EHMT2: variants seen among roughly 807,000 people sequenced by gnomAD.
EHMT2 encodes the protein euchromatic histone lysine methyltransferase 2.
A neutral mutation model predicts 143.3 loss-of-function variants in EHMT2; 59 were observed. The ratio of observed to expected loss-of-function variants is 0.41; its 90% CI spans 0.33 to 0.51. The LOEUF is 0.51. Ranked by LOEUF, EHMT2 falls within the 20% of genes least tolerant of loss-of-function variation. The probability of loss-of-function intolerance (pLI) is 0.18; values close to 1 mark genes in which losing one functional copy is unlikely to be tolerated. For missense variants in EHMT2, 1,174 were observed against 1,645.9 expected, an observed-to-expected ratio of 0.71 and a Z score of 4.96; for synonymous variants, 604 against 651.5, an observed-to-expected ratio of 0.93 and a Z score of 1.11.
chr6:31,887,972 A>C lies in EHMT2; in HGVS notation c.1746-11T>G, dbSNP rs17207734. ...CCTCGCATCCGGGCACTGTGGAAGAAGGAGCTCATGTCCAGGAGCAATAGG... is the reference window on the plus strand; with the variant it reads ...CCTCGCATCCGGGCACTGTGGAAGACGGAGCTCATGTCCAGGAGCAATAGG... On this transcript the variant is annotated splice_polypyrimidine_tract_variant and intron_variant, in intron 13 of 27. Coordinates refer to ENST00000375537, the Ensembl canonical transcript of EHMT2. The C allele has an allele frequency of 9.6e-3, 15,212 of 1,583,338 alleles. 244 individuals are homozygous for C. The highest frequency in any genetic ancestry group is 0.042 in the South Asian group (3,668 of 87,678).
chr6:31,896,732 C>A, exon 3 of EHMT2: 2 of 1,612,934 alleles, frequency 1.2e-6, no homozygotes, highest in South Asian at 2.2e-5. Context: ...GTGACAGAGG[C>A]TGGAGATGAG....
intron 4 of EHMT2, chr6:31,893,699 C>A (rs2151652460): frequency 7.2e-6 from 2 of 276,782 alleles, no homozygotes; most frequent in Non-Finnish European, 7.2e-6. Flanking sequence ...TGACATGGTA[C>A]AACATAGATG....
chr6:31,896,107 T>C, intron 4 of EHMT2, 156 bp downstream of exon 4: 2 of 1,042,074 alleles, frequency 1.9e-6, no homozygotes, highest in Non-Finnish European at 1.4e-6. Context: ...AACCTGTCTG[T>C]TGGTTCACAG....
chr6:31,895,523 T>C (rs1010285372), intron 4 of EHMT2: 2 of 152,094 alleles, frequency 1.3e-5, no homozygotes, highest in African/African-American at 2.4e-5. Context: ...GGGCTGGTTG[T>C]GGTGGCTTGC....
chr6:31,892,154 A>G (rs1178908993), intron 7 of EHMT2, among the ~76,000 whole-genome samples: 1 of 152,136 alleles, frequency 6.6e-6, no homozygotes, highest in Non-Finnish European at 1.5e-5. Flanking sequence ...AGGCAGGAGA[A>G]TTGCTTTAAC....
chr6:31,896,239 TC>T, intron 4 of EHMT2, 23 bp downstream of exon 4: 1 of 1,592,702 alleles, frequency 6.3e-7, no homozygotes, highest in South Asian at 1.1e-5. Context: ...TGGTTGATTA[TC>T]CCATCTCTCC....
Position 31,883,802 on chromosome 6 carries a change from T to G in EHMT2, c.2916+4A>C. The G allele has an allele frequency of 6.2e-7, 1 of 1,613,496 alleles. No homozygotes were observed. Among genetic ancestry groups the G allele is most frequent in the Non-Finnish European group, 8.5e-7 (1 of 1,179,714 alleles). On this transcript the variant is annotated splice_donor_region_variant and intron_variant, in intron 22 of 27. Coordinates refer to ENST00000375537, the Ensembl canonical transcript of EHMT2. The surrounding 1 kb of genome is among the most constrained non-coding windows in gnomAD (Gnocchi z 5.6). ...TTTGGGGAGGCCCCGGGCCCCCTAC[T>G]CACCTGCAGGTGGGTGATGTTGCGA...
In EHMT2 at chr6:31,883,002, C is replaced by A; in HGVS notation, c.3002G>T (p.Arg1001Leu). 1 of 1,612,808 alleles carries A rather than the reference C, an allele frequency of 6.2e-7. No individual in the cohort carries two copies. Among genetic ancestry groups the A allele is most frequent in the Non-Finnish European group, 8.5e-7 (1 of 1,179,924 alleles). ...AATCTTGTTAAATTCCTGGAGCAATCGCCCATCCTAGGGTGCGGAGGGGAG... is the reference window on the plus strand; with the variant it reads ...AATCTTGTTAAATTCCTGGAGCAATAGCCCATCCTAGGGTGCGGAGGGGAG... Residue 1001 changes from arginine (R) to leucine (L), a missense_variant, in exon 24 of 28, where the codon CGA (arginine) becomes CTA (leucine). By Grantham distance (102) the Arg-to-Leu change is moderately radical (BLOSUM62 -2). Coordinates refer to ENST00000375537, the Ensembl canonical transcript of EHMT2. The surrounding 1 kb of genome is among the most constrained non-coding windows in gnomAD (Gnocchi z 5.6).
chr6:31,887,114 C>G lies in EHMT2; in HGVS notation c.2012-13G>C, dbSNP rs780991638. ...TCCAGGTTGTCCACTGCGGGGAGAG[C>G]CCGCCACACCGGGAGAGGGAGGGAC... On this transcript the variant is annotated splice_polypyrimidine_tract_variant and intron_variant, in intron 15 of 27. Coordinates refer to ENST00000375537, the Ensembl canonical transcript of EHMT2. 1.3e-6 allele frequency: 2 copies of G among 1,584,480 alleles called. No homozygotes were observed. Among genetic ancestry groups the G allele is most frequent in the East Asian group, 4.5e-5 (2 of 44,400 alleles).
chr6:31,887,432 G>T, intron 15 of EHMT2, 145 bp downstream of exon 15: 2 of 719,030 alleles, frequency 2.8e-6, no homozygotes, highest in Non-Finnish European at 4.7e-6. Flanking sequence ...CATCGTTATG[G>T]GTTACATGTG....
chr6:31,882,651 C>T (rs1202460665), intron 25 of EHMT2, 48 bp downstream of exon 25: 1 of 1,559,978 alleles, frequency 6.4e-7, no homozygotes, highest in Non-Finnish European at 8.8e-7. Context: ...TCAGCAGTGG[C>T]CATGTATCCC....
chr6:31,886,946 G>A (rs753271554), intron 16 of EHMT2, 49 bp from the exon 17 acceptor site: 6 of 1,613,722 alleles, frequency 3.7e-6, no homozygotes, highest in Non-Finnish European at 3.4e-6. Flanking sequence ...GGGCAGGGGA[G>A]GGGCCTAAGG....
At chr6:31,882,224 CTGA>C (rs1359495996) in intron 25 of EHMT2, among the ~76,000 whole-genome samples, 1 of 151,572 alleles carries the variant, frequency 6.6e-6, no homozygotes, top group Non-Finnish European at 1.5e-5. Flanking sequence ...AGAGAAAGAA[CTGA>C]TGGAGAGGGA....
At chr6:31,892,272 A>G (rs1241699610) in intron 7 of EHMT2, 135 bp downstream of exon 7, 5 of 1,018,180 alleles carry the variant, frequency 4.9e-6, no homozygotes, top group African/African-American at 3.2e-5. Context: ...TATAGACAGC[A>G]TGGGGCAATG....
At position 31,880,532 on chromosome 6, in the gene EHMT2, G is replaced by A. The variant is rs1466793323; in HGVS notation, c.3452+141C>T. The A allele has an allele frequency of 4.0e-6, 4 of 993,700 alleles. No homozygotes were observed. Among genetic ancestry groups the A allele is most frequent in the African/African-American group, 1.6e-5 (1 of 61,298 alleles). The allele number at this position is 993,700 out of a possible 1,614,324, so 61.6% of individuals were successfully genotyped here. ...CAGGACTGTTTCCCCAAGTCCTCCA[G>A]GAAATACTTATGTACACTGAAATCT... is the stretch of plus-strand genomic sequence containing the variant. On this transcript the variant is annotated intron_variant, in intron 27 of 27. Coordinates refer to ENST00000375537, the Ensembl canonical transcript of EHMT2. The surrounding 1 kb of genome is among the most constrained non-coding windows in gnomAD (Gnocchi z 6.6).
chr6:31,888,725 C>T lies in EHMT2; in HGVS notation c.1239G>A (p.Ser413=), dbSNP rs1009929354. 3.0e-5 allele frequency: 48 copies of T among 1,613,442 alleles called. No homozygotes were observed. The highest frequency in any genetic ancestry group is 3.2e-5 in the Non-Finnish European group (38 of 1,180,010). ...CCTCAAACCCTCGCTCTGTCTCCAG[C>T]GAAGATGTGTCATTGGACACCCCTT... Residue 413 remains serine, a synonymous_variant, in exon 11 of 28, where the codon TCG becomes TCA. Coordinates refer to ENST00000375537, the Ensembl canonical transcript of EHMT2. This position sits in a 1 kb window ranked among gnomAD's most constrained non-coding sequence, Gnocchi z 7.4.
rs1764394429 is a variant in EHMT2, at chr6:31,883,511, AC to A, written c.2917-73del. ...GCCCCTCTACTCTTGATGCCCCCTG[AC>A]CCCCTAACCACTGTCCTTTCTTTGG... On this transcript the variant is annotated intron_variant, in intron 22 of 27. Coordinates refer to ENST00000375537, the Ensembl canonical transcript of EHMT2. The surrounding 1 kb of genome is among the most constrained non-coding windows in gnomAD (Gnocchi z 5.6). 2.1e-6 allele frequency: 3 copies of A among 1,451,678 alleles called. No individual in the cohort carries two copies. Among genetic ancestry groups the A allele is most frequent in the East Asian group, 2.4e-5 (1 of 41,308 alleles). 89.9% of individuals were successfully genotyped at this position (1,451,678 alleles called of 1,614,324 possible). A position where few individuals can be genotyped will look rare whatever the true frequency, so the allele number is the denominator to read the frequency against.
chr6:31,884,249 G>C lies in EHMT2; in HGVS notation c.2771+143C>G, dbSNP rs1764504630. 4.1e-6 allele frequency: 4 copies of C among 982,102 alleles called. No homozygotes were observed. The highest frequency in any genetic ancestry group is 5.9e-6 in the Non-Finnish European group (4 of 681,486). The allele number at this position is 982,102 out of a possible 1,614,324, so 60.8% of individuals were successfully genotyped here. Reference sequence around the variant, plus strand: ...ATTTGCTGTATCTGGCAACCCTAGTGGGGAGGGGGCCTGTGGGTGGTTCTG... The same window carrying C: ...ATTTGCTGTATCTGGCAACCCTAGTCGGGAGGGGGCCTGTGGGTGGTTCTG... On this transcript the variant is annotated intron_variant, in intron 21 of 27. Transcript: ENST00000375537. The surrounding 1 kb of genome is among the most constrained non-coding windows in gnomAD (Gnocchi z 7.3).
At chr6:31,896,724 G>C in exon 3 of EHMT2, 1 of 1,612,914 alleles carries the variant, frequency 6.2e-7, no homozygotes, top group South Asian at 1.1e-5. Flanking sequence ...CAGTGACAGT[G>C]ACAGAGGCTG....
Sources: allele counts gnomAD v4.1 joint callset (sites outside exome capture counted in the v4.1 genomes callset), GRCh38; gene constraint gnomAD v4.1.1; non-coding constraint Gnocchi (gnomAD v3.1); transcripts MANE v1.5; gene names NCBI Gene and HGNC (gene_info 2026-07-23, HGNC 2026-07-21).